The following NTM variants were observed in gnomAD, a reference collection of about 807,000 sequenced individuals.
NTM encodes the protein neurotrimin.
Under a neutral mutation model 42.1 loss-of-function variants are expected in NTM, and 13 were observed. The observed-to-expected ratio is 0.31, with a 90% CI of 0.20 to 0.49. NTM has a LOEUF of 0.49. Ranked by LOEUF, NTM falls within the 20% of genes least tolerant of loss-of-function variation. The pLI, the probability that NTM is intolerant of heterozygous loss-of-function variation, is 0.99. For missense variants in NTM, 373 were observed against 452.8 expected (o/e 0.82, Z 1.60); for synonymous variants, 187 against 179.2 (o/e 1.04, Z -0.35).
rs145515364 is a variant in NTM, at chr11:131,532,520, A to G, written c.82+161632A>G. 1.3e-4 allele frequency among the ~76,000 whole-genome samples: 20 copies of G among 152,334 alleles called. No individual in the cohort carries two copies. The East Asian group carries it at 2.9e-3, about 22-fold the overall frequency. ...TGGGGCTACTGTGAATAATGCTGCT[A>G]TGAGCACTGGTCTACATGTATCTGT... On this transcript the variant is annotated intron_variant, in intron 1 of 8. Coordinates refer to ENST00000683400, the MANE Select transcript of NTM (RefSeq NM_001352005.2).
chr11:131,881,992 TA>T (rs1329370855), intron 1 of NTM, among the ~76,000 whole-genome samples: 2 of 152,150 alleles, frequency 1.3e-5, no homozygotes, highest in Admixed American at 6.5e-5. Context: ...TAACATCAAT[TA>T]ATTGCGATTT....
chr11:131,596,080 A>G (rs896212757), intron 1 of NTM, among the ~76,000 whole-genome samples: 4 of 152,206 alleles, frequency 2.6e-5, no homozygotes, highest in Admixed American at 1.3e-4. Flanking sequence ...CTTGTTTGTA[A>G]CATGAAGCTA....
intron 2 of NTM, among the ~76,000 whole-genome samples, chr11:131,955,850 T>C (rs1342783514): frequency 1.3e-5 from 2 of 152,144 alleles, no homozygotes; most frequent in Non-Finnish European, 2.9e-5. Flanking sequence ...CTTTTAAAAA[T>C]AGCAGCAGAA....
At chr11:132,098,682 G>A (rs751923795) in intron 2 of NTM, among the ~76,000 whole-genome samples, 32 of 152,340 alleles carry the variant, frequency 2.1e-4, no homozygotes, top group South Asian at 6.2e-4. Flanking sequence ...ACTTGCCCCC[G>A]TAGGCAAATA....
At chr11:132,193,129 A>T (rs2079581010) in intron 3 of NTM, among the ~76,000 whole-genome samples, 1 of 152,204 alleles carries the variant, frequency 6.6e-6, no homozygotes, top group Admixed American at 6.5e-5. Context: ...ACTGACAAAC[A>T]TGACACTTGA....
chr11:132,013,083 C>G (rs1191024777), intron 2 of NTM, among the ~76,000 whole-genome samples: 3 of 151,968 alleles, frequency 2.0e-5, no homozygotes, highest in African/African-American at 7.3e-5. Context: ...TGAAGATAAC[C>G]AATTTTCGAA....
At chr11:131,909,775 A>T in intron 1 of NTM, 1 of 152,452 alleles carries the variant, frequency 6.6e-6, no homozygotes. Flanking sequence ...AGGAGAAGTG[A>T]CAGGGACCGA....
chr11:131,916,134 T>G (rs1367983055), intron 2 of NTM, among the ~76,000 whole-genome samples: 2 of 152,222 alleles, frequency 1.3e-5, no homozygotes. Flanking sequence ...AGAGCCCCTC[T>G]GTTGGAGTGA....
chr11:132,292,799 A>AC (rs1411118046), intron 4 of NTM, among the ~76,000 whole-genome samples: 1 of 150,790 alleles, frequency 6.6e-6, no homozygotes, highest in Non-Finnish European at 1.5e-5. Context: ...AAAAAAAAAA[A>AC]AAAAAAAAAA....
chr11:131,924,671 C>T (rs1000809564), intron 2 of NTM, among the ~76,000 whole-genome samples: 3 of 152,148 alleles, frequency 2.0e-5, no homozygotes, highest in African/African-American at 2.4e-5. Flanking sequence ...CGAGCTCCAT[C>T]GGCCAAATTC....
At chr11:132,139,119 T>C (rs79097725) in intron 2 of NTM, among the ~76,000 whole-genome samples, 1,993 of 152,272 alleles carry the variant, frequency 0.013, 15 homozygotes, top group Non-Finnish European at 0.021. Context: ...GAGACCACTC[T>C]TCTGTGTTTG....
chr11:131,749,541 T>G (rs2082224014), intron 1 of NTM, among the ~76,000 whole-genome samples: 1 of 152,234 alleles, frequency 6.6e-6, no homozygotes, highest in Non-Finnish European at 1.5e-5. Flanking sequence ...CCTTAGCCCC[T>G]GGGACACACC....
At chr11:131,676,327 A>G (rs2071375565) in intron 1 of NTM, among the ~76,000 whole-genome samples, 1 of 152,218 alleles carries the variant, frequency 6.6e-6, no homozygotes, top group African/African-American at 2.4e-5. Flanking sequence ...TGATGGACAG[A>G]AGTTATTTGG....
intron 1 of NTM, among the ~76,000 whole-genome samples, chr11:131,576,169 C>A (rs1289630291): frequency 6.6e-6 from 1 of 152,162 alleles, no homozygotes; most frequent in African/African-American, 2.4e-5. Context: ...GCCCCCAGAC[C>A]ATAAATAACA....
intron 1 of NTM, among the ~76,000 whole-genome samples, chr11:131,444,456 A>T (rs1469481754): frequency 2.6e-5 from 4 of 152,184 alleles, no homozygotes; most frequent in Non-Finnish European, 5.9e-5. Context: ...TGATCTGACT[A>T]AAAGCAGTTT....
intron 2 of NTM, among the ~76,000 whole-genome samples, chr11:131,935,196 G>A (rs1384409879): frequency 6.6e-6 from 1 of 152,194 alleles, no homozygotes; most frequent in Non-Finnish European, 1.5e-5. Context: ...AAGTAACAGA[G>A]TAACGGTGGT....
intron 1 of NTM, among the ~76,000 whole-genome samples, chr11:131,519,440 A>G (rs1000100506): frequency 6.7e-6 from 1 of 149,160 alleles, no homozygotes; most frequent in Non-Finnish European, 1.5e-5. Flanking sequence ...AGATCTTCAT[A>G]GGAGGCTGCA....
intron 1 of NTM, chr11:131,769,485 C>T (rs2085682516): frequency 3.3e-6 from 1 of 300,360 alleles, no homozygotes; most frequent in Non-Finnish European, 4.9e-6. Flanking sequence ...AATAAGTGTT[C>T]ATGAGGAACT....
chr11:131,847,261 CTTA>C, intron 1 of NTM, among the ~76,000 whole-genome samples: 1 of 151,986 alleles, frequency 6.6e-6, no homozygotes, highest in East Asian at 1.9e-4. Context: ...GAATTCCACT[CTTA>C]TTATATATTT....
Sources: gnomAD v4.1 joint callset for allele counts (sites outside exome capture counted in the v4.1 genomes callset) on GRCh38, gnomAD v4.1.1 for gene constraint, MANE v1.5 for transcripts, NCBI Gene and HGNC (gene_info 2026-07-23, HGNC 2026-07-21) for gene names.